The following EPG5 variants were observed in gnomAD, a reference collection of about 807,000 sequenced individuals.
EPG5 encodes ectopic P-granules 5 autophagy tethering factor.
EPG5 carries 159 observed loss-of-function variants against 302.7 expected under a neutral mutation model. That is an observed-to-expected ratio of 0.53 (90% CI 0.46 to 0.60). EPG5 has a LOEUF of 0.60. EPG5 is among the 20% of genes least tolerant of loss of function. EPG5 has a pLI of 0.00. For synonymous variants in EPG5, 1,158 were observed against 1,136.8 expected (o/e 1.02, Z -0.37); for missense variants, 2,896 against 3,092.4 (o/e 0.94, Z 1.51).
At chr18:45,885,272 G>A (rs2049192616) in intron 29 of EPG5, among the ~76,000 whole-genome samples, 1 of 152,146 alleles carries the variant, frequency 6.6e-6, no homozygotes. Context: ...CCGGGAGGCA[G>A]TGGTTGCAGT....
intron 39 of EPG5, among the ~76,000 whole-genome samples, chr18:45,862,053 C>G (rs1363003049): frequency 2.0e-5 from 3 of 152,118 alleles, no homozygotes; most frequent in Middle Eastern, 3.2e-3. Context: ...CAGTGGTTAT[C>G]CTATAAATGA....
Position 45,858,519 on chromosome 18 carries a change from T to A in EPG5, c.7226+47A>T, listed in dbSNP as rs368729622. 8.8e-6 allele frequency: 13 copies of A among 1,471,004 alleles called. No individual in the cohort carries two copies. The African/African-American group carries it at 1.2e-4, about 14-fold the overall frequency. 91.1% of individuals were successfully genotyped at this position (1,471,004 alleles called of 1,614,324 possible). ...TAGACTTAAGCTCTAAATTCCAAGT[T>A]AACCAAATACAGCAAGTTTGATGTA... is the stretch of plus-strand genomic sequence containing the variant. On this transcript the variant is annotated intron_variant, in intron 41 of 43. Transcript: ENST00000282041.
intron 1 of EPG5, among the ~76,000 whole-genome samples, chr18:45,965,801 C>CT: frequency 6.6e-6 from 1 of 152,170 alleles, no homozygotes; most frequent in East Asian, 1.9e-4. Context: ...CGCCTGTAAT[C>CT]CGGGCACTTT....
chr18:45,837,090 T>C, the EPG5 span: 1 of 1,612,576 alleles, frequency 6.2e-7, no homozygotes, highest in Non-Finnish European at 8.5e-7. Flanking sequence ...AGGTGCACAG[T>C]AAGTGCTTTT....
chr18:45,915,738 T>C, intron 19 of EPG5, 117 bp from the exon 20 acceptor site: 1 of 810,504 alleles, frequency 1.2e-6, no homozygotes. Context: ...AAGACAGAGA[T>C]TTCAAGGATG....
In EPG5 at chr18:45,915,633, G is replaced by A; in HGVS notation, c.3583-12C>T. On this transcript the variant is annotated splice_polypyrimidine_tract_variant and intron_variant, in intron 19 of 43. Transcript: ENST00000282041. ...TAACCCAAGGCATTCTACACCGGGA[G>A]ATGTGGAGCAGAGAGAGGAGGTTTT... is the stretch of plus-strand genomic sequence containing the variant. The A allele has an allele frequency of 6.2e-7, 1 of 1,601,464 alleles. No individual in the cohort carries two copies. Among genetic ancestry groups the A allele is most frequent in the Non-Finnish European group, 8.6e-7 (1 of 1,169,000 alleles).
chr18:45,909,309 C>T (rs1412316042), intron 23 of EPG5, among the ~76,000 whole-genome samples: 3 of 152,172 alleles, frequency 2.0e-5, no homozygotes, highest in African/African-American at 7.2e-5. Flanking sequence ...AAAGGAATAT[C>T]AAAGACTCTC....
chr18:45,839,030 CTCTCGGCT>C, the EPG5 span: 1 of 1,572,780 alleles, frequency 6.4e-7, no homozygotes, highest in Non-Finnish European at 8.6e-7. Flanking sequence ...CTGCTCGGCG[CTCTCGGCT>C]TCAAGGCGCT....
the EPG5 span, among the ~76,000 whole-genome samples, chr18:45,820,742 T>C: frequency 2.3e-3 from 343 of 152,308 alleles, 3 homozygotes; most frequent in African/African-American, 8.0e-3. Flanking sequence ...GGTTTCATGT[T>C]CCAACCCTTC....
At chr18:45,928,834 G>GA (rs2050334225) in intron 13 of EPG5, 35 bp downstream of exon 13, 4 of 1,593,570 alleles carry the variant, frequency 2.5e-6, no homozygotes, top group Non-Finnish European at 3.4e-6. Flanking sequence ...TCCAAGATTT[G>GA]AAAAAACAAA....
At chr18:45,819,077 G>C in the EPG5 span, among the ~76,000 whole-genome samples, 1 of 152,012 alleles carries the variant, frequency 6.6e-6, no homozygotes, top group African/African-American at 2.4e-5. Flanking sequence ...TTTTTAAGAG[G>C]TCAAATTTAT....
chr18:45,895,755 G>A (rs1262080218), intron 27 of EPG5, among the ~76,000 whole-genome samples: 1 of 152,142 alleles, frequency 6.6e-6, no homozygotes, highest in African/African-American at 2.4e-5. Context: ...CATCTATATA[G>A]AGGGCTACAG....
Position 45,943,015 on chromosome 18 carries a change from T to G in EPG5, c.1943+146A>C, listed in dbSNP as rs941984234. ...GGAAGCAATTATGAAATTCCCATCT[T>G]ATAGATGGTGAAGAAAAAAATCTTA... On this transcript the variant is annotated intron_variant, in intron 9 of 43. Coordinates refer to ENST00000282041, the MANE Select transcript of EPG5 (RefSeq NM_020964.3). The G allele has an allele frequency of 1.4e-5, 10 of 724,672 alleles. No homozygotes were observed. The East Asian group carries it at 2.5e-4, about 18-fold the overall frequency. 44.9% of individuals were successfully genotyped at this position (724,672 alleles called of 1,614,324 possible).
At chr18:45,868,142 G>C (rs1012795802) in intron 36 of EPG5, 2 of 457,406 alleles carry the variant, frequency 4.4e-6, no homozygotes, top group Admixed American at 4.7e-5. Flanking sequence ...AAACTTAAGT[G>C]TGCATCAGAA....
intron 36 of EPG5, 144 bp from the exon 37 acceptor site, chr18:45,867,892 T>C: frequency 1.4e-6 from 1 of 728,310 alleles, no homozygotes; most frequent in Admixed American, 2.1e-5. Flanking sequence ...TCCTAGAGAT[T>C]TAGACTTAAT....
At chr18:45,891,850 G>A (rs568906489) in intron 27 of EPG5, among the ~76,000 whole-genome samples, 1 of 152,282 alleles carries the variant, frequency 6.6e-6, no homozygotes, top group East Asian at 1.9e-4. Context: ...AATTAAATTT[G>A]AAATCTTTCA....
chr18:45,867,677 A>C lies in EPG5; in HGVS notation c.6297T>G (p.Ser2099Arg). Reference sequence around the variant, plus strand: ...TGGAATTCCAGGCATCAGAGAGCACACTAACCCAGTTGACTTCACAGAGTA... The same window carrying C: ...TGGAATTCCAGGCATCAGAGAGCACCCTAACCCAGTTGACTTCACAGAGTA... ...GSVLCEVNWV[S>R]VLSDAWNSSP... The change falls in exon 37 of 44, where the codon AGT becomes AGG. Residue 2099 changes from serine (S) to arginine (R), a missense_variant. Physicochemically the swap from Ser to Arg is moderately radical, Grantham distance 110 (BLOSUM62 -1). Transcript: ENST00000282041. The C allele has an allele frequency of 1.2e-6, 2 of 1,614,140 alleles. No individual in the cohort carries two copies. Among genetic ancestry groups the C allele is most frequent in the Non-Finnish European group, 1.7e-6 (2 of 1,179,998 alleles).
chr18:45,804,160 TA>T, the EPG5 span, among the ~76,000 whole-genome samples: 2 of 152,170 alleles, frequency 1.3e-5, no homozygotes. Context: ...TATCTAATTT[TA>T]AAAAATTAAC....
chr18:45,944,131 G>C lies in EPG5; in HGVS notation c.1678-12C>G. ...TCAGGGTCTTCATCCTAAGGGAAAA[G>C]ACAAAAAATCATGTCAGCAGATTTG... On this transcript the variant is annotated splice_polypyrimidine_tract_variant and intron_variant, in intron 7 of 43. Transcript: ENST00000282041. 1 of 1,546,140 alleles carries C rather than the reference G, an allele frequency of 6.5e-7. No individual in the cohort carries two copies. Among genetic ancestry groups the C allele is most frequent in the Non-Finnish European group, 8.9e-7 (1 of 1,119,358 alleles).
Sources: allele counts gnomAD v4.1 joint callset (sites outside exome capture counted in the v4.1 genomes callset), GRCh38; gene constraint gnomAD v4.1.1; transcripts MANE v1.5; gene names NCBI Gene and HGNC (gene_info 2026-07-23, HGNC 2026-07-21).